Variants in ANKRD17 observed in about 807,000 individuals in gnomAD.
The protein encoded by ANKRD17 is ankyrin repeat domain-containing protein 17.
ANKRD17 carries 19 observed loss-of-function variants against 229.7 expected under a neutral mutation model. That is an observed-to-expected ratio of 0.08 (90% CI 0.06 to 0.12). The LOEUF is 0.12. Among genes scored for constraint, ANKRD17 ranks in the 10% least tolerant of loss-of-function variants. The pLI is 1.00. For synonymous variants in ANKRD17, 1,112 were observed against 1,146.1 expected (o/e 0.97, Z 0.60); for missense variants, 2,176 against 3,176.8 (o/e 0.68, Z 7.57).
At chr4:73,210,396 G>A (rs1740091849) in intron 1 of ANKRD17, among the ~76,000 whole-genome samples, 1 of 152,068 alleles carries the variant, frequency 6.6e-6, no homozygotes, top group African/African-American at 2.4e-5. Context: ...GACCTGAACA[G>A]TGAAAACTAT....
intron 1 of ANKRD17, among the ~76,000 whole-genome samples, chr4:73,212,360 C>T (rs1740392130): frequency 6.6e-6 from 1 of 152,154 alleles, no homozygotes; most frequent in African/African-American, 2.4e-5. Flanking sequence ...TTCAGCATTT[C>T]CATTTACCTA....
At chr4:73,172,462 G>T (rs569529123) in intron 2 of ANKRD17, among the ~76,000 whole-genome samples, 2 of 152,256 alleles carry the variant, frequency 1.3e-5, no homozygotes, top group South Asian at 2.1e-4. Context: ...TGAGCAAAAA[G>T]AAATCATCTG....
intron 1 of ANKRD17, among the ~76,000 whole-genome samples, chr4:73,182,027 G>A (rs1330090730): frequency 3.3e-4 from 38 of 116,820 alleles, no homozygotes; most frequent in Admixed American, 4.6e-4. Context: ...CAGCCTGGGC[G>A]ACAGAGCAAG....
rs928089847 is a variant in ANKRD17, at chr4:73,217,516, C to CT, written c.394-39984dup. Among the ~76,000 whole-genome samples, 243 of 148,062 alleles carry CT rather than the reference C, an allele frequency of 1.6e-3. 1 individual carries two copies. The highest frequency in any genetic ancestry group is 5.2e-3 in the African/African-American group (209 of 40,480). On this transcript the variant is annotated intron_variant, in intron 1 of 33. Transcript: ENST00000358602. The stretch of plus-strand genomic sequence containing the variant: ...ATCTGAAATGCTCCAAAATCCAAAA[C>CT]TTTTTTTTTTTAATTTTTACTTTTT...
At position 73,210,069 on chromosome 4, in the gene ANKRD17, A is replaced by G. The variant is rs554831184; in HGVS notation, c.394-32536T>C. Among the ~76,000 whole-genome samples the G allele has an allele frequency of 5.9e-5, 9 of 152,290 alleles. No individual in the cohort carries two copies. The East Asian group carries it at 1.7e-3, about 29-fold the overall frequency. On this transcript the variant is annotated intron_variant, in intron 1 of 33. Coordinates refer to ENST00000358602, the MANE Select transcript of ANKRD17 (RefSeq NM_032217.5). Reference sequence around the variant, plus strand: ...CCCATAGTCACCAGTTCTATTTAACATTTTATGGAGGCCCTACTTAAGGCA... The same window carrying G: ...CCCATAGTCACCAGTTCTATTTAACGTTTTATGGAGGCCCTACTTAAGGCA...
chr4:73,085,214 C>A, intron 30 of ANKRD17, 35 bp downstream of exon 30: 3 of 1,592,156 alleles, frequency 1.9e-6, no homozygotes, highest in Non-Finnish European at 1.7e-6. Context: ...AAAACATATG[C>A]AGATTCTTAT....
chr4:73,209,243 T>C (rs993287320), intron 1 of ANKRD17, among the ~76,000 whole-genome samples: 5 of 151,706 alleles, frequency 3.3e-5, no homozygotes, highest in Non-Finnish European at 5.9e-5. Flanking sequence ...AAAAACAAAA[T>C]AGAAAATAAT....
Position 73,151,506 on chromosome 4 carries a change from C to T in ANKRD17, c.1253G>A (p.Arg418Gln), listed in dbSNP as rs763922345. The T allele has an allele frequency of 9.3e-6, 15 of 1,608,218 alleles. No homozygotes were observed. The highest frequency in any genetic ancestry group is 3.4e-5 in the Admixed American group (2 of 59,550). Residue 418 changes from arginine to glutamine, a missense_variant, in exon 7 of 34, where the codon CGA (arginine) becomes CAA (glutamine). By Grantham distance (43) the Arg-to-Gln change is conservative. Around this residue, in one of 18 missense-constraint regions of ANKRD17, gnomAD observed 184 missense variants for 357.8 expected, o/e 0.51. Coordinates refer to ENST00000358602, the MANE Select transcript of ANKRD17 (RefSeq NM_032217.5). ...ACYKGHLEMV[R>Q]FLLEAGADQE... ...ATCCGCGCCTGCTTCCAAAAGAAAT[C>T]GCACCATCTCTAAGTGTCCTAAACC...
At chr4:73,208,716 T>C (rs1040570280) in intron 1 of ANKRD17, among the ~76,000 whole-genome samples, 2 of 152,166 alleles carry the variant, frequency 1.3e-5, no homozygotes, top group Non-Finnish European at 2.9e-5. Flanking sequence ...TAGAACTAAA[T>C]GCTAATAAAA....
intron 1 of ANKRD17, among the ~76,000 whole-genome samples, chr4:73,235,120 G>C (rs1404089757): frequency 6.6e-6 from 1 of 152,116 alleles, no homozygotes; most frequent in Non-Finnish European, 1.5e-5. Context: ...TGTTCAACAT[G>C]TTTTCTCCCT....
chr4:73,220,906 G>C (rs1406284984), intron 1 of ANKRD17, among the ~76,000 whole-genome samples: 1 of 152,064 alleles, frequency 6.6e-6, no homozygotes, highest in Non-Finnish European at 1.5e-5. Context: ...TATCCCTGTG[G>C]GGGGTAGAGG....
chr4:73,233,642 C>A (rs1307963796), intron 1 of ANKRD17, among the ~76,000 whole-genome samples: 1 of 152,162 alleles, frequency 6.6e-6, no homozygotes, highest in African/African-American at 2.4e-5. Context: ...ACCATATCCT[C>A]TACCTTGGGA....
chr4:73,105,481 AC>A (rs1724503479), intron 24 of ANKRD17, among the ~76,000 whole-genome samples: 1 of 152,116 alleles, frequency 6.6e-6, no homozygotes, highest in Non-Finnish European at 1.5e-5. Flanking sequence ...AGGAAGACAA[AC>A]AGGAGAAAGC....
rs1725273130 is a variant in ANKRD17, at chr4:73,111,183, A to G, written c.4401+2609T>C. On this transcript the variant is annotated intron_variant, in intron 24 of 33. Transcript: ENST00000358602. ...ATGTTTTTTCAAAGAAACCCATGAT[A>G]AAATTTAATTTATAAATTAGGCACA... is the stretch of plus-strand genomic sequence containing the variant. Among the ~76,000 whole-genome samples the G allele has an allele frequency of 5.3e-5, 8 of 152,214 alleles. No homozygotes were observed. The South Asian group carries it at 1.4e-3, about 28-fold the overall frequency.
chr4:73,220,754 G>A (rs1010127333), intron 1 of ANKRD17, among the ~76,000 whole-genome samples: 9 of 151,982 alleles, frequency 5.9e-5, no homozygotes, highest in African/African-American at 7.2e-5. Flanking sequence ...ATAAAATTCC[G>A]TATGTTCAAT....
chr4:73,114,828 G>A (rs1725745070), intron 23 of ANKRD17, among the ~76,000 whole-genome samples: 2 of 152,090 alleles, frequency 1.3e-5, no homozygotes, highest in South Asian at 2.1e-4. Flanking sequence ...CTGTGTAAAC[G>A]TCATAAGAAG....
Position 73,177,438 on chromosome 4 carries a change from G to C in ANKRD17, c.489C>G (p.Asp163Glu). The C allele has an allele frequency of 1.2e-6, 2 of 1,613,662 alleles. No homozygotes were observed. Among genetic ancestry groups the C allele is most frequent in the Non-Finnish European group, 1.7e-6 (2 of 1,179,712 alleles). ...GTGTTTCTGGATCTACTGTCCTGAG[G>C]TCTGCACCATCAGCAGTACCTGATA... is the stretch of plus-strand genomic sequence containing the variant. ...LLLSGTADGA[D>E]LRTVDPETQA... is the part of the protein sequence containing the mutation. Residue 163 changes from aspartate to glutamate, a missense_variant, in exon 2 of 34, where the codon GAC becomes GAG. Coordinates refer to ENST00000358602, the MANE Select transcript of ANKRD17 (RefSeq NM_032217.5).
chr4:73,232,749 A>G (rs1743169767), intron 1 of ANKRD17, among the ~76,000 whole-genome samples: 1 of 152,084 alleles, frequency 6.6e-6, no homozygotes, highest in African/African-American at 2.4e-5. Context: ...TTTGAGACAG[A>G]GCCTCACTCT....
chr4:73,155,889 C>A, intron 4 of ANKRD17, 111 bp from the exon 5 acceptor site: 1 of 1,474,394 alleles, frequency 6.8e-7, no homozygotes, highest in Non-Finnish European at 9.1e-7. Context: ...TATAAGCACA[C>A]AAAATTTATC....
Sources: allele counts gnomAD v4.1 joint callset (sites outside exome capture counted in the v4.1 genomes callset), GRCh38; gene constraint gnomAD v4.1.1; regional missense constraint gnomAD v4.1.1; transcripts MANE v1.5; gene names NCBI Gene and HGNC (gene_info 2026-07-23, HGNC 2026-07-21).